The following MEF2C variants were observed in gnomAD, a reference collection of about 807,000 sequenced individuals.
The protein encoded by MEF2C is myocyte enhancer factor 2C.
MEF2C carries 6 observed loss-of-function variants against 50.5 expected under a neutral mutation model. The observed-to-expected ratio is 0.12, with a 90% CI of 0.07 to 0.23. The LOEUF (loss-of-function observed/expected upper bound fraction) is 0.23. Ranked by LOEUF, MEF2C falls within the 10% of genes least tolerant of loss-of-function variation. The pLI, the probability that MEF2C is intolerant of heterozygous loss-of-function variation, is 1.00. For missense variants in MEF2C, 276 were observed against 605.0 expected (o/e 0.46, Z 5.70); for synonymous variants, 183 against 228.0 (o/e 0.80, Z 1.78).
At chr5:88,815,451 T>C (rs1188578878) in intron 2 of MEF2C, among the ~76,000 whole-genome samples, 1 of 152,084 alleles carries the variant, frequency 6.6e-6, no homozygotes, top group Non-Finnish European at 1.5e-5. Context: ...GTGATTTCTT[T>C]AGTTAAACTG....
intron 6 of MEF2C, chr5:88,734,575 T>TTG (rs1554103646): frequency 1.1e-4 from 101 of 898,478 alleles, no homozygotes; most frequent in East Asian, 1.1e-3. Flanking sequence ...GTTTTTTTTT[T>TTG]TTTTTTTTTT....
intron 1 of MEF2C, among the ~76,000 whole-genome samples, chr5:88,845,171 T>C (rs914804335): frequency 3.3e-5 from 5 of 152,192 alleles, no homozygotes; most frequent in African/African-American, 1.2e-4. Flanking sequence ...AGAATGAACA[T>C]TACAAATAAC....
intron 3 of MEF2C, among the ~76,000 whole-genome samples, chr5:88,793,003 G>A (rs1475000648): frequency 6.6e-6 from 1 of 152,018 alleles, no homozygotes; most frequent in Non-Finnish European, 1.5e-5. Context: ...CTCATGTTAA[G>A]CACTGGGAAT....
chr5:88,734,153 T>C, intron 6 of MEF2C: 1 of 984,946 alleles, frequency 1.0e-6, no homozygotes, highest in Non-Finnish European at 1.2e-6. Flanking sequence ...GTTATGAACT[T>C]AGTTTGAATT....
chr5:88,740,967 G>A, intron 6 of MEF2C: 1 of 985,414 alleles, frequency 1.0e-6, no homozygotes, highest in South Asian at 4.7e-5. Flanking sequence ...GAGCATGACA[G>A]AAGAGAAAGA....
chr5:88,812,214 G>A (rs983054464), intron 2 of MEF2C, among the ~76,000 whole-genome samples: 3 of 152,020 alleles, frequency 2.0e-5, no homozygotes, highest in African/African-American at 4.8e-5. Context: ...AGTTTTTCTC[G>A]AGTACCTGGG....
rs573004142 is a variant in MEF2C at position 88,829,702 on chromosome 5, T to C, written c.-142-5772A>G. ...CATCTCCTATGTGGAATTAGAATAA[T>C]TGATACTGAGAATTGGAAGTTAAAT... On this transcript the variant is annotated intron_variant, in intron 1 of 10. Transcript: ENST00000504921. Among the ~76,000 whole-genome samples, 13 of 152,160 alleles carry C rather than the reference T, an allele frequency of 8.5e-5. No homozygotes were observed. In the South Asian group the frequency reaches 1.9e-3, roughly 22 times the overall value.
chr5:88,761,173 C>T lies in MEF2C; in HGVS notation c.402+12G>A. On this transcript the variant is annotated intron_variant, in intron 4 of 10. Transcript: ENST00000504921. The stretch of plus-strand genomic sequence containing the variant: ...AAGAGTAAAAAAAATGAAGGGTGTT[C>T]TGAGTACTTACACACAATCTTTGCC... 5 of 1,613,982 alleles carry T rather than the reference C, an allele frequency of 3.1e-6. No individual in the cohort carries two copies. Among genetic ancestry groups the T allele is most frequent in the Non-Finnish European group, 4.2e-6 (5 of 1,179,876 alleles).
At chr5:88,836,436 T>C (rs1478213297) in intron 1 of MEF2C, among the ~76,000 whole-genome samples, 2 of 152,122 alleles carry the variant, frequency 1.3e-5, no homozygotes, top group South Asian at 2.1e-4. Context: ...TCCTCTCTAC[T>C]TGTAGCATTC....
chr5:88,725,834 C>A (rs1463296876), intron 10 of MEF2C, among the ~76,000 whole-genome samples: 1 of 152,068 alleles, frequency 6.6e-6, no homozygotes, highest in African/African-American at 2.4e-5. Context: ...TACTGAACAC[C>A]CACATCAACA....
intron 3 of MEF2C, chr5:88,782,095 C>T: frequency 2.1e-6 from 2 of 951,626 alleles, no homozygotes; most frequent in Non-Finnish European, 2.5e-6. Context: ...AAAAAGTGCA[C>T]TACTTCATTA....
intron 1 of MEF2C, among the ~76,000 whole-genome samples, chr5:88,897,944 C>G (rs1835281227): frequency 6.6e-6 from 1 of 152,124 alleles, no homozygotes; most frequent in Non-Finnish European, 1.5e-5. Context: ...ATGGGCCCCA[C>G]CTCAGGCCCA....
chr5:88,757,813 G>A (rs562795990), intron 4 of MEF2C, among the ~76,000 whole-genome samples: 5 of 152,278 alleles, frequency 3.3e-5, no homozygotes, highest in Non-Finnish European at 1.5e-5. Context: ...CTACTTGGGA[G>A]GCTAAGGCAG....
intron 1 of MEF2C, among the ~76,000 whole-genome samples, chr5:88,880,299 C>T (rs544626949): frequency 6.6e-6 from 1 of 152,238 alleles, no homozygotes; most frequent in Admixed American, 6.5e-5. Flanking sequence ...AACAGTTCAT[C>T]TTGTGACCAT....
At chr5:88,779,817 A>G (rs1375812590) in intron 3 of MEF2C, among the ~76,000 whole-genome samples, 1 of 151,808 alleles carries the variant, frequency 6.6e-6, no homozygotes, top group Non-Finnish European at 1.5e-5. Flanking sequence ...TCTAATGGAA[A>G]ACAAATTTCT....
intron 1 of MEF2C, among the ~76,000 whole-genome samples, chr5:88,840,761 T>A (rs1186548725): frequency 1.3e-5 from 2 of 152,226 alleles, no homozygotes; most frequent in Non-Finnish European, 2.9e-5. Flanking sequence ...ATTTAAAATG[T>A]AATGACTAAA....
chr5:88,740,762 A>G lies in MEF2C; in HGVS notation c.637+8308T>C, dbSNP rs542440824. The G allele has an allele frequency of 1.7e-5, 17 of 985,138 alleles. No homozygotes were observed. In the Admixed American group the frequency reaches 7.4e-4, roughly 43 times the overall value. 61.0% of individuals were successfully genotyped at this position (985,138 alleles called of 1,614,324 possible). A position where few individuals can be genotyped will look rare whatever the true frequency, so the allele number is the denominator to read the frequency against. ...TTTTTAATTGCACCATAAAAATGCT[A>G]TTGAACCACACTATCTTTAAAAAAT... On this transcript the variant is annotated intron_variant, in intron 6 of 10. Coordinates refer to ENST00000504921, the MANE Select transcript of MEF2C (RefSeq NM_002397.5).
chr5:88,749,218 T>C, intron 5 of MEF2C, 101 bp from the exon 6 acceptor site: 1 of 1,323,896 alleles, frequency 7.6e-7, no homozygotes, highest in Non-Finnish European at 1.0e-6. Context: ...CTTGCAATAG[T>C]CATAAACTTG....
intron 3 of MEF2C, among the ~76,000 whole-genome samples, chr5:88,784,949 TC>T (rs2152912953): frequency 6.6e-6 from 1 of 152,190 alleles, no homozygotes; most frequent in African/African-American, 2.4e-5. Context: ...GTGGTCTGCA[TC>T]CATTACAAAG....
Sources: gnomAD v4.1 joint callset for allele counts (sites outside exome capture counted in the v4.1 genomes callset) on GRCh38, gnomAD v4.1.1 for gene constraint, MANE v1.5 for transcripts, NCBI Gene and HGNC (gene_info 2026-07-23, HGNC 2026-07-21) for gene names.